LRCH1: variants seen among roughly 807,000 people sequenced by gnomAD.
The protein encoded by LRCH1 is leucine rich repeats and calponin homology domain containing 1, also known as leucine-rich repeat and calponin homology domain-containing protein 1.
Under a neutral mutation model 94.9 loss-of-function variants are expected in LRCH1, and 23 were observed. That is an observed-to-expected ratio of 0.24 (90% confidence interval 0.17 to 0.34). The LOEUF is 0.34. LRCH1 is among the 10% of genes least tolerant of loss of function. The pLI is 1.00. For synonymous variants in LRCH1, 364 were observed against 354.9 expected (o/e 1.03, Z -0.29); for missense variants, 790 against 945.9 (o/e 0.84, Z 2.16).
At chr13:46,669,420 A>G (rs576013243) in intron 3 of LRCH1, among the ~76,000 whole-genome samples, 1 of 152,356 alleles carries the variant, frequency 6.6e-6, no homozygotes, top group African/African-American at 2.4e-5. Context: ...TTTATGGGCT[A>G]TCATGTTGTA....
chr13:46,681,788 G>A lies in LRCH1; in HGVS notation c.627G>A (p.Gln209=). ...CAGCGTTGCCCCAGCAGATAGGTCA[G>A]TTGAAATCTCTACGAGAACTGAATG... The part of the protein sequence containing the change: ...EITALPQQIG[Q]LKSLRELNVR... The change falls in exon 4 of 20, where the codon CAG becomes CAA. Residue 209 remains glutamine (Q), a synonymous_variant. Transcript: ENST00000389797. The A allele has an allele frequency of 6.2e-7, 1 of 1,613,990 alleles. No individual in the cohort carries two copies. The highest frequency in any genetic ancestry group is 1.3e-5 in the African/African-American group (1 of 75,038).
At chr13:46,576,736 TC>T (rs2050308961) in intron 1 of LRCH1, among the ~76,000 whole-genome samples, 1 of 152,196 alleles carries the variant, frequency 6.6e-6, no homozygotes, top group South Asian at 2.1e-4. Flanking sequence ...GTCTACAGTC[TC>T]CAGCATTCCA....
intron 13 of LRCH1, 25 bp from the exon 14 acceptor site, chr13:46,711,766 C>A (rs750597970): frequency 6.3e-6 from 10 of 1,594,774 alleles, no homozygotes; most frequent in African/African-American, 1.3e-5. Flanking sequence ...ATGGAACATA[C>A]CATGCTTTGT....
chr13:46,648,035 T>C (rs1231316264), intron 1 of LRCH1, among the ~76,000 whole-genome samples: 2 of 152,160 alleles, frequency 1.3e-5, no homozygotes, highest in African/African-American at 4.8e-5. Context: ...TATTACTACA[T>C]TGTAATATAT....
intron 1 of LRCH1, among the ~76,000 whole-genome samples, chr13:46,565,449 A>T (rs926476342): frequency 2.0e-5 from 3 of 152,182 alleles, no homozygotes; most frequent in Non-Finnish European, 4.4e-5. Context: ...CAGTTGAGAC[A>T]AGACCACATC....
At chr13:46,580,419 A>G (rs1400649714) in intron 1 of LRCH1, among the ~76,000 whole-genome samples, 1 of 152,230 alleles carries the variant, frequency 6.6e-6, no homozygotes, top group Non-Finnish European at 1.5e-5. Context: ...CATCCTACCC[A>G]GCAGTTGAAA....
chr13:46,651,690 T>A (rs2051301734), intron 2 of LRCH1, among the ~76,000 whole-genome samples: 1 of 144,736 alleles, frequency 6.9e-6, no homozygotes, highest in Admixed American at 7.3e-5. Flanking sequence ...TAAGTTGCAT[T>A]TCTGTAGAAG....
chr13:46,600,199 A>G (rs7321115), intron 1 of LRCH1, among the ~76,000 whole-genome samples: 87,769 of 152,120 alleles, frequency 0.58, 25,406 homozygotes, highest in South Asian at 0.64. Context: ...GCTTTTTAAC[A>G]TAGTAACATA....
intron 1 of LRCH1, among the ~76,000 whole-genome samples, chr13:46,647,932 G>A (rs886383874): frequency 2.6e-5 from 4 of 151,968 alleles, no homozygotes; most frequent in African/African-American, 7.3e-5. Context: ...ACCAGGGACC[G>A]GTTTTGTGGA....
intron 1 of LRCH1, among the ~76,000 whole-genome samples, chr13:46,565,725 C>T (rs1480158494): frequency 6.6e-6 from 1 of 151,468 alleles, no homozygotes; most frequent in African/African-American, 2.4e-5. Flanking sequence ...GCAAGAGAAT[C>T]GCTTGAACTG....
At chr13:46,736,361 A>G (rs1037137046) in intron 19 of LRCH1, among the ~76,000 whole-genome samples, 21 of 152,178 alleles carry the variant, frequency 1.4e-4, no homozygotes, top group African/African-American at 4.8e-4. Flanking sequence ...ACATGTTTTC[A>G]TCTCACAGAG....
intron 19 of LRCH1, 56 bp from the exon 20 acceptor site, chr13:46,741,586 G>T: frequency 1.2e-6 from 2 of 1,606,256 alleles, no homozygotes; most frequent in East Asian, 2.2e-5. Context: ...GTTCCTCCGT[G>T]TATTTTTAAT....
chr13:46,740,165 C>T lies in LRCH1; in HGVS notation c.2086-1477C>T, dbSNP rs184294181. The stretch of plus-strand genomic sequence containing the variant: ...AATAGAAAACTTTTCTTAGATGTTT[C>T]CTCATCTATTAATCCATGAGCAGCA... On this transcript the variant is annotated intron_variant, in intron 19 of 19. Coordinates refer to ENST00000389797, the MANE Select transcript of LRCH1 (RefSeq NM_001164211.2). Among the ~76,000 whole-genome samples the T allele has an allele frequency of 4.6e-3, 704 of 152,266 alleles. 4 individuals are homozygous for T. Among genetic ancestry groups the T allele is most frequent in the Non-Finnish European group, 7.5e-3 (509 of 68,016 alleles).
At chr13:46,698,278 CT>C (rs1816742534) in intron 9 of LRCH1, among the ~76,000 whole-genome samples, 1 of 152,206 alleles carries the variant, frequency 6.6e-6, no homozygotes, top group Non-Finnish European at 1.5e-5. Context: ...CTGGTGTTCT[CT>C]CCTAGCTAGG....
chr13:46,555,771 G>GT (rs1347796110), intron 1 of LRCH1, among the ~76,000 whole-genome samples: 3 of 152,176 alleles, frequency 2.0e-5, no homozygotes, highest in African/African-American at 7.2e-5. Flanking sequence ...ATTGCAGCTA[G>GT]TTATTTTACA....
intron 1 of LRCH1, among the ~76,000 whole-genome samples, chr13:46,590,253 A>G (rs1225448209): frequency 2.6e-5 from 4 of 152,162 alleles, no homozygotes; most frequent in Non-Finnish European, 5.9e-5. Flanking sequence ...GACATGAACT[A>G]AAAGTTGACT....
intron 16 of LRCH1, among the ~76,000 whole-genome samples, chr13:46,719,428 C>T (rs1455398493): frequency 6.6e-6 from 1 of 152,174 alleles, no homozygotes; most frequent in Non-Finnish European, 1.5e-5. Context: ...TATCACTCTA[C>T]TGTAAGATAG....
intron 1 of LRCH1, among the ~76,000 whole-genome samples, chr13:46,581,939 C>G (rs2050370775): frequency 6.6e-6 from 1 of 152,086 alleles, no homozygotes; most frequent in African/African-American, 2.4e-5. Flanking sequence ...CACTTGAGGT[C>G]AGGAGTTTTA....
At chr13:46,738,766 A>G (rs770543889) in intron 19 of LRCH1, among the ~76,000 whole-genome samples, 45 of 152,338 alleles carry the variant, frequency 3.0e-4, no homozygotes, top group Non-Finnish European at 5.9e-4. Context: ...TTGTTTTACT[A>G]ACATCAATTT....
Sources: gnomAD v4.1 joint callset for allele counts (sites outside exome capture counted in the v4.1 genomes callset) on GRCh38, gnomAD v4.1.1 for gene constraint, MANE v1.5 for transcripts, NCBI Gene and HGNC (gene_info 2026-07-23, HGNC 2026-07-21) for gene names.